RGS20: variants seen among roughly 807,000 people sequenced by gnomAD.
RGS20 encodes the protein regulator of G protein signaling 20.
Under a neutral mutation model 33.6 loss-of-function variants are expected in RGS20, and 30 were observed. That is an observed-to-expected ratio of 0.89 (90% CI 0.67 to 1.21). The LOEUF is 1.21. Among genes scored for constraint, RGS20 ranks in the 50% most tolerant of loss-of-function variants. RGS20 has a pLI of 0.00. For synonymous variants in RGS20, 208 were observed against 197.9 expected, an observed-to-expected ratio of 1.05 and a Z score of -0.43; for missense variants, 472 against 502.4, an observed-to-expected ratio of 0.94 and a Z score of 0.58.
chr8:53,873,572 C>T (rs1255415232), intron 1 of RGS20, among the ~76,000 whole-genome samples: 1 of 152,202 alleles, frequency 6.6e-6, no homozygotes, highest in East Asian at 1.9e-4. Flanking sequence ...CAGAATTCCA[C>T]TCCTTTTTAT....
At chr8:53,886,376 A>G (rs1176169652) in intron 2 of RGS20, among the ~76,000 whole-genome samples, 1 of 152,174 alleles carries the variant, frequency 6.6e-6, no homozygotes, top group African/African-American at 2.4e-5. Flanking sequence ...CTTGATTCTA[A>G]TCCAGCTGAT....
At chr8:53,881,888 G>A (rs1812395316) in intron 2 of RGS20, among the ~76,000 whole-genome samples, 1 of 152,120 alleles carries the variant, frequency 6.6e-6, no homozygotes, top group Non-Finnish European at 1.5e-5. Flanking sequence ...GCGGAGACTG[G>A]AAAGCAGGGG....
In RGS20 at chr8:53,946,684, G is replaced by C; in HGVS notation, c.679G>C (p.Glu227Gln). The change falls in exon 4 of 6, where the codon GAA becomes CAA. Residue 227 changes from glutamate (E) to glutamine (Q), a missense_variant. Around this residue, in one of 3 missense-constraint regions of RGS20, gnomAD observed 319 missense variants for 283.4 expected, o/e 1.13. Transcript: ENST00000297313. ...TTGCAGTCTCACTGTTAGAAACCAG[G>C]AAGATCAGAGGCCCACAATAGCTTC... 1 of 1,612,396 alleles carries C rather than the reference G, an allele frequency of 6.2e-7. No individual in the cohort carries two copies. The highest frequency in any genetic ancestry group is 8.5e-7 in the Non-Finnish European group (1 of 1,179,210).
chr8:53,861,949 C>T lies in RGS20; in HGVS notation c.165+9885C>T, dbSNP rs116576782. On this transcript the variant is annotated intron_variant, in intron 1 of 5. Transcript: ENST00000297313. ...ACACATCTCCCATCATTTGTTGGCC[C>T]GTGGGGAGTCCAAGCTTTGGGGGGG... Among the ~76,000 whole-genome samples, 457 of 152,246 alleles carry T rather than the reference C, an allele frequency of 3.0e-3. 5 individuals are homozygous for T. The highest frequency in any genetic ancestry group is 0.011 in the African/African-American group (439 of 41,546).
intron 5 of RGS20, among the ~76,000 whole-genome samples, chr8:53,957,188 A>G (rs1258993911): frequency 6.6e-6 from 1 of 152,120 alleles, no homozygotes; most frequent in African/African-American, 2.4e-5. Flanking sequence ...GTGCAGTGGC[A>G]TGGTCTCGGC....
At chr8:53,856,591 T>C (rs1054579598) in intron 1 of RGS20, among the ~76,000 whole-genome samples, 7 of 152,090 alleles carry the variant, frequency 4.6e-5, no homozygotes, top group African/African-American at 1.7e-4. Flanking sequence ...GGAGGGCGGG[T>C]GAACTCTAGC....
At chr8:53,882,467 C>T (rs1812419562) in intron 2 of RGS20, among the ~76,000 whole-genome samples, 2 of 152,128 alleles carry the variant, frequency 1.3e-5, no homozygotes, top group South Asian at 4.1e-4. Context: ...GGAGCAGCTG[C>T]TGCCCACGGG....
intron 2 of RGS20, among the ~76,000 whole-genome samples, chr8:53,904,482 GT>G (rs1227560239): frequency 6.6e-6 from 1 of 152,088 alleles, no homozygotes; most frequent in Non-Finnish European, 1.5e-5. Context: ...TGATTTGGCT[GT>G]TTTTTTCTAT....
At chr8:53,887,066 C>T (rs1812567997) in intron 2 of RGS20, 2 of 162,320 alleles carry the variant, frequency 1.2e-5, no homozygotes, top group South Asian at 3.2e-4. Context: ...ACAATAATGC[C>T]TGTCAGAGTG....
At chr8:53,870,167 T>G (rs1345086383) in intron 1 of RGS20, among the ~76,000 whole-genome samples, 1 of 152,156 alleles carries the variant, frequency 6.6e-6, no homozygotes, top group East Asian at 1.9e-4. Context: ...ACCACCATTC[T>G]CTCACCCAAG....
intron 1 of RGS20, among the ~76,000 whole-genome samples, chr8:53,867,707 CTTTGT>C (rs1238028371): frequency 6.7e-6 from 1 of 150,364 alleles, no homozygotes; most frequent in East Asian, 1.9e-4. Context: ...TCCTTCCTTT[CTTTGT>C]TTCTTTCCTT....
chr8:53,957,993 G>A (rs769845964), intron 5 of RGS20, among the ~76,000 whole-genome samples: 8 of 151,976 alleles, frequency 5.3e-5, no homozygotes, highest in Admixed American at 2.6e-4. Flanking sequence ...AAAGTTAGCC[G>A]GGTGTGGTGG....
At chr8:53,894,631 G>T (rs187694356) in intron 2 of RGS20, among the ~76,000 whole-genome samples, 27 of 152,236 alleles carry the variant, frequency 1.8e-4, no homozygotes, top group Non-Finnish European at 3.5e-4. Flanking sequence ...GGTATGAGGG[G>T]CACAGTTCTG....
At chr8:53,915,146 A>G (rs1585917266) in intron 2 of RGS20, among the ~76,000 whole-genome samples, 1 of 66,132 alleles carries the variant, frequency 1.5e-5, no homozygotes, top group Admixed American at 2.1e-4. Flanking sequence ...CTCTGTCTCA[A>G]AAAAAAAAAA....
chr8:53,945,939 G>C (rs926747435), intron 3 of RGS20, among the ~76,000 whole-genome samples: 16 of 151,430 alleles, frequency 1.1e-4, no homozygotes, highest in African/African-American at 3.6e-4. Flanking sequence ...TACAAGATGA[G>C]ATAAAAGTAC....
intron 2 of RGS20, among the ~76,000 whole-genome samples, chr8:53,904,392 A>G (rs1159396008): frequency 2.6e-5 from 4 of 152,192 alleles, no homozygotes; most frequent in Non-Finnish European, 5.9e-5. Flanking sequence ...TTGGCCTCCC[A>G]AAGTGCTAGG....
intron 2 of RGS20, chr8:53,879,792 C>T (rs1354848854): frequency 3.1e-5 from 15 of 485,072 alleles, no homozygotes; most frequent in East Asian, 2.8e-4. Flanking sequence ...GGACACCGCC[C>T]CTCCCCGCGG....
In RGS20 at chr8:53,939,624, G is replaced by GC; in HGVS notation, c.562dup (p.Gln188ProfsTer30). On this transcript the variant is annotated frameshift_variant, in exon 3 of 6. Transcript: ENST00000297313. LOFTEE classifies it high-confidence loss of function. Reference sequence around the variant, plus strand: ...GATGCGGAAGCGGCAGATGCCCGCCGCCCAGGACACACCAGGCGCCGCCCC... The same window carrying GC: ...GATGCGGAAGCGGCAGATGCCCGCCGCCCCAGGACACACCAGGCGCCGCCCC... 1.2e-6 allele frequency: 2 copies of GC among 1,606,080 alleles called. No homozygotes were observed. The highest frequency in any genetic ancestry group is 1.7e-6 in the Non-Finnish European group (2 of 1,177,130).
At position 53,925,828 on chromosome 8, in the gene RGS20, T is replaced by C. The variant is rs374335277; in HGVS notation, c.511-13748T>C. The stretch of plus-strand genomic sequence containing the variant: ...ACTAAGGAATAATCTAGTAGCACTG[T>C]GTTCTGACAAAGATGTTACTAACGG... On this transcript the variant is annotated intron_variant, in intron 2 of 5. Transcript: ENST00000297313. 5.9e-5 allele frequency among the ~76,000 whole-genome samples: 9 copies of C among 152,262 alleles called. No homozygotes were observed. The East Asian group carries it at 1.7e-3, about 29-fold the overall frequency.
Sources: allele counts gnomAD v4.1 joint callset (sites outside exome capture counted in the v4.1 genomes callset), GRCh38; gene constraint gnomAD v4.1.1; regional missense constraint gnomAD v4.1.1; transcripts MANE v1.5; gene names NCBI Gene and HGNC (gene_info 2026-07-23, HGNC 2026-07-21).